The following ASPRV1 variants were observed in gnomAD, a reference collection of about 807,000 sequenced individuals.
The protein encoded by ASPRV1 is retroviral-like aspartic protease 1.
Under a neutral mutation model 11.0 loss-of-function variants are expected in ASPRV1, and 7 were observed. The observed-to-expected ratio is 0.64, with a 90% CI of 0.36 to 1.20. ASPRV1 has a LOEUF of 1.20. Ranked by LOEUF, ASPRV1 falls within the 50% of genes most tolerant of loss-of-function variation. The pLI is 0.02. For missense variants in ASPRV1, 299 were observed against 320.0 expected (o/e 0.93, Z 0.50); for synonymous variants, 136 against 138.4 (o/e 0.98, Z 0.12).
At chr2:70,027,872 GTGA>G in the ASPRV1 span, among the ~76,000 whole-genome samples, 1,752 of 152,312 alleles carry the variant, frequency 0.012, 37 homozygotes, top group African/African-American at 0.04. Flanking sequence ...AGGGTTTGAG[GTGA>G]TGGATATGCT....
the ASPRV1 span, among the ~76,000 whole-genome samples, chr2:70,067,059 T>C: frequency 1.3e-5 from 2 of 152,222 alleles, no homozygotes; most frequent in Non-Finnish European, 2.9e-5. Flanking sequence ...CAATCTATTA[T>C]TCTAAGCATC....
At chr2:69,994,313 G>A in the ASPRV1 span, 3 of 152,546 alleles carry the variant, frequency 2.0e-5, no homozygotes, top group Non-Finnish European at 1.5e-5. Context: ...TGTGTCCCTG[G>A]CCCTGACCTG....
At chr2:69,997,332 G>C in the ASPRV1 span, among the ~76,000 whole-genome samples, 1 of 152,002 alleles carries the variant, frequency 6.6e-6, no homozygotes, top group Non-Finnish European at 1.5e-5. Flanking sequence ...CAGAACCATA[G>C]TACCGACCTA....
the ASPRV1 span, among the ~76,000 whole-genome samples, chr2:69,953,408 G>A: frequency 6.6e-6 from 1 of 152,242 alleles, no homozygotes; most frequent in East Asian, 1.9e-4. Context: ...CCTAGAGAGG[G>A]AGGACATAAG....
At chr2:69,989,733 C>T in the ASPRV1 span, among the ~76,000 whole-genome samples, 1 of 152,248 alleles carries the variant, frequency 6.6e-6, no homozygotes, top group East Asian at 1.9e-4. Flanking sequence ...TTCCTGGGCC[C>T]CACCCAGGTG....
chr2:70,080,553 G>C, the ASPRV1 span, among the ~76,000 whole-genome samples: 1 of 152,088 alleles, frequency 6.6e-6, no homozygotes, highest in Non-Finnish European at 1.5e-5. Context: ...ATAGGACAGA[G>C]AGTTATCAAT....
At chr2:70,072,909 A>AC in the ASPRV1 span, among the ~76,000 whole-genome samples, 1 of 150,812 alleles carries the variant, frequency 6.6e-6, no homozygotes, top group Admixed American at 6.6e-5. Context: ...AAAAAAAAAA[A>AC]AAAAAAACAG....
the ASPRV1 span, among the ~76,000 whole-genome samples, chr2:70,079,799 C>T: frequency 6.6e-6 from 1 of 152,104 alleles, no homozygotes; most frequent in Admixed American, 6.6e-5. Context: ...TCTTTTAATC[C>T]ACATAAAAAT....
At chr2:69,976,617 A>G in the ASPRV1 span, 1 of 152,202 alleles carries the variant, frequency 6.6e-6, no homozygotes, top group Non-Finnish European at 1.5e-5. Context: ...ATGGGTGACA[A>G]TGACCCTAAG....
chr2:70,085,641 G>C, the ASPRV1 span: 16 of 152,150 alleles, frequency 1.1e-4, no homozygotes, highest in Admixed American at 9.8e-4. Flanking sequence ...AAAAGAGAGA[G>C]AGAGAGAGAG....
the ASPRV1 span, among the ~76,000 whole-genome samples, chr2:69,984,466 A>C: frequency 6.6e-6 from 1 of 152,236 alleles, no homozygotes; most frequent in Admixed American, 6.5e-5. Flanking sequence ...GAGTTCTACC[A>C]TGTGCTGAGA....
Position 69,960,528 on chromosome 2 carries a change from A to G in ASPRV1, c.*129T>C. On this transcript the variant is annotated 3_prime_UTR_variant, in exon 1 of 1. Coordinates refer to ENST00000320256, the MANE Select transcript of ASPRV1 (RefSeq NM_152792.4). ...TTAAGGCCCCTGCAGAGGGAGGCAA[A>G]GGGGAGAGAAGAGCAAGAGTTGATA... The G allele has an allele frequency of 1.0e-6, 1 of 997,090 alleles. No homozygotes were observed. Among genetic ancestry groups the G allele is most frequent in the Non-Finnish European group, 1.5e-6 (1 of 687,310 alleles). The allele number at this position is 997,090 out of a possible 1,614,324, so 61.8% of individuals were successfully genotyped here.
the ASPRV1 span, among the ~76,000 whole-genome samples, chr2:69,948,848 C>A: frequency 6.6e-6 from 1 of 152,168 alleles, no homozygotes; most frequent in Non-Finnish European, 1.5e-5. Flanking sequence ...CAGGCCTCCC[C>A]CGCGGCGGGT....
the ASPRV1 span, among the ~76,000 whole-genome samples, chr2:70,051,620 T>C: frequency 6.6e-6 from 1 of 152,154 alleles, no homozygotes; most frequent in African/African-American, 2.4e-5. Context: ...TCAACAAATA[T>C]TTATTAAGCA....
the ASPRV1 span, among the ~76,000 whole-genome samples, chr2:70,022,285 G>A: frequency 7.9e-5 from 12 of 151,608 alleles, no homozygotes; most frequent in Non-Finnish European, 1.3e-4. Flanking sequence ...AAAGTGCTGG[G>A]ATTACAGGCA....
the ASPRV1 span, among the ~76,000 whole-genome samples, chr2:69,950,636 G>T: frequency 4.6e-5 from 7 of 151,914 alleles, no homozygotes; most frequent in Non-Finnish European, 1.0e-4. Flanking sequence ...GAGGTCAGGG[G>T]TTCCAGACCA....
the ASPRV1 span, among the ~76,000 whole-genome samples, chr2:69,987,747 CAATAAATA>C: frequency 6.6e-6 from 1 of 152,102 alleles, no homozygotes; most frequent in African/African-American, 2.4e-5. Context: ...AACCCTGTTT[CAATAAATA>C]AATAAATAAC....
At chr2:70,041,526 G>A in the ASPRV1 span, among the ~76,000 whole-genome samples, 1 of 152,100 alleles carries the variant, frequency 6.6e-6, no homozygotes, top group Non-Finnish European at 1.5e-5. Context: ...AATTTAATAG[G>A]GAAAGGAGAA....
chr2:70,027,684 G>A, the ASPRV1 span, among the ~76,000 whole-genome samples: 136 of 152,288 alleles, frequency 8.9e-4, no homozygotes, highest in African/African-American at 3.2e-3. Flanking sequence ...GGTTACTACA[G>A]GCCAGGAAGG....
Sources: allele counts gnomAD v4.1 joint callset (sites outside exome capture counted in the v4.1 genomes callset), GRCh38; gene constraint gnomAD v4.1.1; transcripts MANE v1.5; gene names NCBI Gene and HGNC (gene_info 2026-07-23, HGNC 2026-07-21).